The following COL6A3 variants were observed in gnomAD, a reference collection of about 807,000 sequenced individuals.
COL6A3 encodes the protein collagen type VI alpha 3 chain.
Under a neutral mutation model 274.1 loss-of-function variants are expected in COL6A3, and 137 were observed. The ratio of observed to expected loss-of-function variants is 0.50; its 90% CI spans 0.44 to 0.58. The LOEUF (loss-of-function observed/expected upper bound fraction) is 0.58. Ranked by LOEUF, COL6A3 falls within the 20% of genes least tolerant of loss-of-function variation. The pLI is 0.00. For synonymous variants in COL6A3, 1,650 were observed against 1,650.6 expected (o/e 1.00, Z 0.01); for missense variants, 3,950 against 4,124.9 (o/e 0.96, Z 1.16).
chr2:237,367,345 T>C (rs2077578912), intron 10 of COL6A3, 59 bp from the exon 11 acceptor site: 1 of 1,553,382 alleles, frequency 6.4e-7, no homozygotes. Context: ...AGAACATAAA[T>C]ACACAAAAGG....
intron 23 of COL6A3, chr2:237,357,043 C>G: frequency 6.0e-6 from 3 of 498,662 alleles, no homozygotes; most frequent in East Asian, 7.0e-5. Flanking sequence ...ATTTGGGTCT[C>G]TTAAATATTT....
chr2:237,328,355 A>G lies in COL6A3; in HGVS notation c.9329-2631T>C, dbSNP rs534898092. On this transcript the variant is annotated intron_variant, in intron 42 of 43. Transcript: ENST00000295550. The stretch of plus-strand genomic sequence containing the variant: ...TCCCAGAAGCCACAGGTGCCTACCT[A>G]GAACATCCTAAAAACAACCATTCAA... 6 of 152,302 alleles carry G rather than the reference A, an allele frequency of 3.9e-5. No individual in the cohort carries two copies. The East Asian group carries it at 1.2e-3, about 29-fold the overall frequency. 9.4% of individuals were successfully genotyped at this position (152,302 alleles called of 1,614,324 possible).
chr2:237,336,119 G>C lies in COL6A3; in HGVS notation c.8965+16C>G, dbSNP rs769075512. On this transcript the variant is annotated intron_variant, in intron 40 of 43. Coordinates refer to ENST00000295550, the MANE Select transcript of COL6A3 (RefSeq NM_004369.4). ...AGGATGTCACAAGATGGCAGCCCTA[G>C]CAAGGGCTTTCTTACCCATGGGCTT... The C allele has an allele frequency of 6.2e-7, 1 of 1,613,114 alleles. No individual in the cohort carries two copies.
intron 6 of COL6A3, among the ~76,000 whole-genome samples, chr2:237,377,733 T>C (rs1345010149): frequency 1.3e-5 from 2 of 148,526 alleles, no homozygotes; most frequent in Non-Finnish European, 3.0e-5. Flanking sequence ...TTAAAAAAAT[T>C]GATCTCAATC....
chr2:237,358,664 A>G, intron 20 of COL6A3, 81 bp from the exon 21 acceptor site: 2 of 1,224,238 alleles, frequency 1.6e-6, no homozygotes, highest in Non-Finnish European at 2.4e-6. Context: ...TCTTCAACTC[A>G]TAAATCTTAA....
chr2:237,333,457 AGTGAGAGCCAATGGTTCT>A lies in COL6A3; in HGVS notation c.9303_9320del (p.Pro3103_Glu3108del). 6.2e-7 allele frequency: 1 copy of A among 1,613,654 alleles called. No homozygotes were observed. On this transcript the variant is annotated inframe_deletion, in exon 42 of 44. Transcript: ENST00000295550. ...AATAGTTTCACAACTCACCTGTTTC[AGTGAGAGCCAATGGTTCT>A]GTGCTCACCATTAGATTGATGGTTG...
chr2:237,371,323 G>A lies in COL6A3; in HGVS notation c.4285+409C>T, dbSNP rs866904993. On this transcript the variant is annotated intron_variant, in intron 9 of 43. Transcript: ENST00000295550. This position sits in a 1 kb window ranked among gnomAD's most constrained non-coding sequence, Gnocchi z 4.3. ...CATGAAGAACATAAAGGTGCTGGGC[G>A]CGGTGTCTCAGGCCTGTAATCCCAG... 3.3e-5 allele frequency among the ~76,000 whole-genome samples: 5 copies of A among 152,168 alleles called. No homozygotes were observed. The highest frequency in any genetic ancestry group is 4.8e-5 in the African/African-American group (2 of 41,440).
rs1029407116 is a variant in COL6A3 at position 237,361,489 on chromosome 2, A to C, written c.6156+250T>G. On this transcript the variant is annotated intron_variant, in intron 15 of 43. Coordinates refer to ENST00000295550, the MANE Select transcript of COL6A3 (RefSeq NM_004369.4). The surrounding 1 kb of genome is among the most constrained non-coding windows in gnomAD (Gnocchi z 5.1). ...ACATTATTTTATGAAATGAAGGACC[A>C]AGCTGTTAAAGCACAGATCCCCTTA... Among the ~76,000 whole-genome samples, 4 of 152,224 alleles carry C rather than the reference A, an allele frequency of 2.6e-5. No individual in the cohort carries two copies. Among genetic ancestry groups the C allele is most frequent in the African/African-American group, 9.6e-5 (4 of 41,458 alleles).
chr2:237,361,664 GAAATTACCCCACCAA>G lies in COL6A3; in HGVS notation c.6156+60_6156+74del. On this transcript the variant is annotated intron_variant, in intron 15 of 43. Coordinates refer to ENST00000295550, the MANE Select transcript of COL6A3 (RefSeq NM_004369.4). The surrounding 1 kb of genome is among the most constrained non-coding windows in gnomAD (Gnocchi z 5.1). ...TTCATCTCCACACTCTTCTGTTAGA[GAAATTACCCCACCAA>G]AGTAATGTCGGGCTTCTGACACCTC... 1 of 1,315,046 alleles carries G rather than the reference GAAATTACCCCACCAA, an allele frequency of 7.6e-7. No homozygotes were observed. The highest frequency in any genetic ancestry group is 1.1e-6 in the Non-Finnish European group (1 of 907,304). 81.5% of individuals were successfully genotyped at this position (1,315,046 alleles called of 1,614,324 possible).
intron 3 of COL6A3, 26 bp downstream of exon 3, chr2:237,394,561 G>T: frequency 1.2e-6 from 2 of 1,613,328 alleles, no homozygotes; most frequent in African/African-American, 1.3e-5. Context: ...GCAGGGCAGG[G>T]CGTAGCTTGG....
intron 11 of COL6A3, 30 bp downstream of exon 11, chr2:237,366,657 G>T: frequency 6.2e-7 from 1 of 1,614,180 alleles, no homozygotes; most frequent in African/African-American, 1.3e-5. Flanking sequence ...AACAGGAAAG[G>T]ATGGAAAATA....
Position 237,325,567 on chromosome 2 carries a change from G to A in COL6A3, c.9486C>T (p.Cys3162=), listed in dbSNP as rs757091142. The A allele has an allele frequency of 1.9e-5, 31 of 1,613,942 alleles. No individual in the cohort carries two copies. The highest frequency in any genetic ancestry group is 1.0e-4 in the Admixed American group (6 of 60,008). ...CAAGGAAGAATCACTTACCAGGAGCGCAAACCTTTTCACATTCTTTCTGTG... is the reference window on the plus strand; with the variant it reads ...CAAGGAAGAATCACTTACCAGGAGCACAAACCTTTTCACATTCTTTCTGTG... ...FGSQKECEKV[C]APVLAKPGVI... Residue 3162 remains cysteine (C), a synonymous_variant, in exon 43 of 44, where the codon TGC becomes TGT. Transcript: ENST00000295550.
chr2:237,396,986 C>A (rs1353489606), intron 1 of COL6A3, 139 bp from the exon 2 acceptor site: 3 of 644,482 alleles, frequency 4.7e-6, no homozygotes, highest in Admixed American at 4.7e-5. Flanking sequence ...GAACCAGCAG[C>A]AAAAGGATGG....
At position 237,379,844 on chromosome 2, in the gene COL6A3, C is replaced by A. The variant is rs1167154253; in HGVS notation, c.1898-609G>T. On this transcript the variant is annotated intron_variant, in intron 5 of 43. Coordinates refer to ENST00000295550, the MANE Select transcript of COL6A3 (RefSeq NM_004369.4). The stretch of plus-strand genomic sequence containing the variant: ...ACAGTCTTGCTAGGCAATCATCCAA[C>A]AGGGGAATTCCCCCAAAGTGAGATG... Among the ~76,000 whole-genome samples the A allele has an allele frequency of 2.0e-5, 3 of 152,248 alleles. 1 individual carries two copies. In the South Asian group the frequency reaches 6.2e-4, roughly 31 times the overall value.
rs1451871388 is a variant in COL6A3 at position 237,344,910 on chromosome 2, C to T, written c.7174+31G>A. 1 of 1,614,006 alleles carries T rather than the reference C, an allele frequency of 6.2e-7. No individual in the cohort carries two copies. The highest frequency in any genetic ancestry group is 2.2e-5 in the East Asian group (1 of 44,872). On this transcript the variant is annotated intron_variant, in intron 35 of 43. Transcript: ENST00000295550. The surrounding 1 kb of genome is among the most constrained non-coding windows in gnomAD (Gnocchi z 4.8). ...TTACTACAAAAGGGAGGCTTCCTTT[C>T]CTTAGGAGAAAGTCACCAAAATCAA...
chr2:237,375,549 G>A (rs999760623), intron 7 of COL6A3, among the ~76,000 whole-genome samples: 5 of 152,130 alleles, frequency 3.3e-5, no homozygotes, highest in African/African-American at 1.2e-4. Flanking sequence ...TGCAGTGGAG[G>A]GGTCGGGGGG....
rs370246962 is a variant in COL6A3 at position 237,388,055 on chromosome 2, C to T, written c.839G>A (p.Arg280Gln). 102 of 1,614,186 alleles carry T rather than the reference C, an allele frequency of 6.3e-5. No individual in the cohort carries two copies. The highest frequency in any genetic ancestry group is 8.2e-5 in the Non-Finnish European group (97 of 1,180,036). The change falls in exon 4 of 44, where the codon CGA (arginine) becomes CAA (glutamine). Residue 280 changes from arginine to glutamine, a missense_variant. Arg to Gln is a conservative substitution (Grantham distance 43). Coordinates refer to ENST00000295550, the MANE Select transcript of COL6A3 (RefSeq NM_004369.4). ...EKLPIGTQQIRVGVVQFSDEP... is the reference protein window; with the variant it reads ...EKLPIGTQQIQVGVVQFSDEP... ...ATCGCTAAACTGGACCACCCCCACTCGGATCTGCTGAGTTCCAATTGGGAG... is the reference window on the plus strand; with the variant it reads ...ATCGCTAAACTGGACCACCCCCACTTGGATCTGCTGAGTTCCAATTGGGAG...
rs900885344 is a variant in COL6A3 at position 237,348,683 on chromosome 2, G to A, written c.6880-20C>T. 2 of 1,613,388 alleles carry A rather than the reference G, an allele frequency of 1.2e-6. No individual in the cohort carries two copies. Among genetic ancestry groups the A allele is most frequent in the African/African-American group, 1.3e-5 (1 of 74,910 alleles). Reference sequence around the variant, plus strand: ...ATCTCCCTAAGAGTGGGAAAGAGATGTGACTGTAGGTCGCCATGCCTGGCA... The same window carrying A: ...ATCTCCCTAAGAGTGGGAAAGAGATATGACTGTAGGTCGCCATGCCTGGCA... On this transcript the variant is annotated intron_variant, in intron 28 of 43. Transcript: ENST00000295550.
intron 42 of COL6A3, among the ~76,000 whole-genome samples, chr2:237,331,038 G>A (rs1475385635): frequency 2.0e-5 from 3 of 152,052 alleles, no homozygotes; most frequent in Non-Finnish European, 4.4e-5. Context: ...ACTAAGAAAG[G>A]GACCCATCTC....
Sources: allele counts gnomAD v4.1 joint callset (sites outside exome capture counted in the v4.1 genomes callset), GRCh38; gene constraint gnomAD v4.1.1; non-coding constraint Gnocchi (gnomAD v3.1); transcripts MANE v1.5; gene names NCBI Gene and HGNC (gene_info 2026-07-23, HGNC 2026-07-21).